The following SPTBN4 variants were observed in gnomAD, a reference collection of about 807,000 sequenced individuals.
SPTBN4 encodes the protein spectrin beta chain, non-erythrocytic 4.
SPTBN4 carries 96 observed loss-of-function variants against 277.8 expected under a neutral mutation model. That is an observed-to-expected ratio of 0.35 (90% CI 0.29 to 0.41). The LOEUF (loss-of-function observed/expected upper bound fraction) is 0.41. Ranked by LOEUF, SPTBN4 falls within the 10% of genes least tolerant of loss-of-function variation. The probability of loss-of-function intolerance (pLI) is 1.00; values close to 1 mark genes in which losing one functional copy is unlikely to be tolerated. For synonymous variants in SPTBN4, 1,481 were observed against 1,580.3 expected, an observed-to-expected ratio of 0.94 and a Z score of 1.49; for missense variants, 3,006 against 3,595.7, an observed-to-expected ratio of 0.84 and a Z score of 4.19.
chr19:40,508,855 TGGGA>T (rs1264336539), intron 13 of SPTBN4, among the ~76,000 whole-genome samples: 2 of 151,762 alleles, frequency 1.3e-5, no homozygotes, highest in African/African-American at 4.8e-5. Flanking sequence ...ATCTAGGTGG[TGGGA>T]GGAAGAGAAG....
Position 40,502,920 on chromosome 19 carries a change from G to A in SPTBN4, c.1349G>A (p.Arg450His), listed in dbSNP as rs756154554. Residue 450 changes from arginine (R) to histidine (H), a missense_variant, in exon 11 of 36, where the codon CGT becomes CAT. This residue lies in a region of SPTBN4 where 1,759 missense variants were observed against 2,061.5 expected (regional missense o/e 0.85). Coordinates refer to ENST00000598249, the MANE Select transcript of SPTBN4 (RefSeq NM_020971.3). The surrounding 1 kb of genome is among the most constrained non-coding windows in gnomAD (Gnocchi z 4.9). ...GAGAGCTGGCTGAATGAGAACCAGC[G>A]TCTGGTCTCCCAGGTACAAGGTGTA... ...MRESWLNENQ[R>H]LVSQDNFGYE... is the part of the protein sequence containing the mutation. 1.6e-5 allele frequency: 26 copies of A among 1,613,696 alleles called. No homozygotes were observed. The highest frequency in any genetic ancestry group is 2.0e-5 in the Non-Finnish European group (24 of 1,179,960).
At chr19:40,509,987 C>T (rs1032994824) in intron 13 of SPTBN4, among the ~76,000 whole-genome samples, 1 of 152,146 alleles carries the variant, frequency 6.6e-6, no homozygotes, top group African/African-American at 2.4e-5. Context: ...TTGCCCTCGC[C>T]TTGTGAATTC....
chr19:40,503,819 C>T lies in SPTBN4; in HGVS notation c.1363-11C>T, dbSNP rs755916017. 4.5e-6 allele frequency: 7 copies of T among 1,568,374 alleles called. No individual in the cohort carries two copies. In the African/African-American group the frequency reaches 8.1e-5, roughly 18 times the overall value. On this transcript the variant is annotated splice_polypyrimidine_tract_variant and intron_variant, in intron 11 of 35. Coordinates refer to ENST00000598249, the MANE Select transcript of SPTBN4 (RefSeq NM_020971.3). ...AGGCAGCATGGGTGAGTGTCTGGCTCACTGCCCCAGGACAACTTTGGGTAT... is the reference window on the plus strand; with the variant it reads ...AGGCAGCATGGGTGAGTGTCTGGCTTACTGCCCCAGGACAACTTTGGGTAT...
intron 2 of SPTBN4, among the ~76,000 whole-genome samples, chr19:40,476,821 G>A (rs931544749): frequency 1.3e-5 from 2 of 151,922 alleles, no homozygotes; most frequent in East Asian, 1.9e-4. Flanking sequence ...TCTCCTGACC[G>A]CGTGATCTGC....
intron 17 of SPTBN4, among the ~76,000 whole-genome samples, chr19:40,525,146 C>T (rs560181089): frequency 2.0e-5 from 3 of 152,118 alleles, no homozygotes; most frequent in Non-Finnish European, 2.9e-5. Flanking sequence ...ACCCCCAGCC[C>T]CAGGACCGCT....
intron 17 of SPTBN4, chr19:40,524,627 C>T (rs1411475081): frequency 4.4e-6 from 2 of 456,158 alleles, no homozygotes; most frequent in Non-Finnish European, 8.8e-6. Context: ...AGGCCAGGCA[C>T]AGGTGTGTTC....
rs572199933 is a variant in SPTBN4 at position 40,505,094 on chromosome 19, A to G, written c.1665+962A>G. ...TCTAGAGAGAGATGAGACAAGAAAG[A>G]TAGAAGCCAGCTGGGCATGGTGGCT... On this transcript the variant is annotated intron_variant, in intron 12 of 35. Transcript: ENST00000598249. 4.0e-5 allele frequency among the ~76,000 whole-genome samples: 6 copies of G among 151,628 alleles called. No individual in the cohort carries two copies. The South Asian group carries it at 1.3e-3, about 32-fold the overall frequency.
chr19:40,487,563 C>A (rs2080086616), intron 2 of SPTBN4, 134 bp from the exon 3 acceptor site: 1 of 1,153,554 alleles, frequency 8.7e-7, no homozygotes, highest in Non-Finnish European at 1.2e-6. Context: ...CCAGGCTGGT[C>A]TCGAACTCCT....
chr19:40,487,710 C>T lies in SPTBN4; in HGVS notation c.183C>T (p.Ala61=), dbSNP rs1389551958. Residue 61 remains alanine (A), a synonymous_variant, in exon 3 of 36, where the codon GCC becomes GCT. Transcript: ENST00000598249. ...CCTCTCCTCCAGATGAGCGGGAAGC[C>T]GTGCAGAAGAAAACCTTCACCAAGT... ...RIKALADERE[A]VQKKTFTKWV... 6.2e-7 allele frequency: 1 copy of T among 1,612,582 alleles called. No individual in the cohort carries two copies. Among genetic ancestry groups the T allele is most frequent in the South Asian group, 1.1e-5 (1 of 90,866 alleles).
In SPTBN4 at chr19:40,506,226, C is replaced by G; in HGVS notation, c.1666-10C>G. On this transcript the variant is annotated splice_polypyrimidine_tract_variant and intron_variant, in intron 12 of 35. Transcript: ENST00000598249. ...GCCAGAGGTGTGCTCAGTGCTGTCC[C>G]CGCTTGTAGGCTCAGCTGCTGTCCC... 1 of 1,607,102 alleles carries G rather than the reference C, an allele frequency of 6.2e-7. No homozygotes were observed. The highest frequency in any genetic ancestry group is 8.5e-7 in the Non-Finnish European group (1 of 1,176,142).
intron 7 of SPTBN4, among the ~76,000 whole-genome samples, chr19:40,500,284 C>T (rs1313311065): frequency 1.3e-5 from 2 of 152,064 alleles, no homozygotes; most frequent in Non-Finnish European, 2.9e-5. Context: ...TTACATTGTT[C>T]CCAGGAGGCA....
intron 5 of SPTBN4, among the ~76,000 whole-genome samples, chr19:40,494,290 C>T (rs2080170228): frequency 6.6e-6 from 1 of 151,700 alleles, no homozygotes; most frequent in South Asian, 2.1e-4. Context: ...TTGTACTTAT[C>T]TCTTCTCTCC....
chr19:40,568,238 G>A lies in SPTBN4; in HGVS notation c.6912G>A (p.Glu2304=), dbSNP rs544049103. The A allele has an allele frequency of 5.0e-4, 809 of 1,602,208 alleles. 4 individuals are homozygous for A. The South Asian group carries it at 8.3e-3, about 16-fold the overall frequency. Residue 2304 remains glutamate, a synonymous_variant, in exon 31 of 36, where the codon GAG becomes GAA. Transcript: ENST00000598249. ...ERRERRLERQ[E]SSEQEMPIRG... ...GTGAGCGGCGCTTGGAGCGGCAGGAGTCCAGCGAACAGGAGATGCCCATCA... is the reference window on the plus strand; with the variant it reads ...GTGAGCGGCGCTTGGAGCGGCAGGAATCCAGCGAACAGGAGATGCCCATCA...
chr19:40,551,134 G>A (rs1400339493), intron 22 of SPTBN4, among the ~76,000 whole-genome samples: 2 of 152,168 alleles, frequency 1.3e-5, no homozygotes, highest in Non-Finnish European at 2.9e-5. Context: ...TGGAGGCAAA[G>A]GGGGTTTCCC....
In SPTBN4 at chr19:40,550,300, G is replaced by A. The variant is rs762991842; in HGVS notation, c.4647G>A (p.Ala1549=). Residue 1549 remains alanine (A), a synonymous_variant, in exon 22 of 36, where the codon GCG becomes GCA. Transcript: ENST00000598249. ...CAGAGCGAGGCAACGGTTTGCAGGCGGTCCAGCAGCACATCAAAAAGAACC... is the reference window on the plus strand; with the variant it reads ...CAGAGCGAGGCAACGGTTTGCAGGCAGTCCAGCAGCACATCAAAAAGAACC... ...MQTERGNGLQ[A]VQQHIKKNQG... is the part of the protein sequence containing the mutation. The A allele has an allele frequency of 3.3e-4, 536 of 1,610,982 alleles. 3 individuals are homozygous for A. Among genetic ancestry groups the A allele is most frequent in the Admixed American group, 1.3e-4 (8 of 59,952 alleles).
intron 20 of SPTBN4, among the ~76,000 whole-genome samples, chr19:40,546,011 T>C (rs1024083519): frequency 1.6e-4 from 23 of 146,552 alleles, no homozygotes; most frequent in African/African-American, 5.8e-4. Flanking sequence ...GATAGCACCA[T>C]TGCACTCCAG....
At chr19:40,476,802 T>A (rs975586203) in intron 2 of SPTBN4, among the ~76,000 whole-genome samples, 1 of 152,074 alleles carries the variant, frequency 6.6e-6, no homozygotes, top group Admixed American at 6.6e-5. Flanking sequence ...TTAGCCAGGA[T>A]GGTTTTGATC....
intron 15 of SPTBN4, among the ~76,000 whole-genome samples, chr19:40,518,260 C>T (rs1279408410): frequency 6.6e-6 from 1 of 152,064 alleles, no homozygotes; most frequent in East Asian, 1.9e-4. Flanking sequence ...GAGCTGAGAT[C>T]GTGCCACTGC....
At chr19:40,531,261 G>A (rs1447529581) in intron 18 of SPTBN4, among the ~76,000 whole-genome samples, 1 of 151,870 alleles carries the variant, frequency 6.6e-6, no homozygotes, top group East Asian at 1.9e-4. Flanking sequence ...CCTGCACGTC[G>A]GGAACCTGTG....
Sources: gnomAD v4.1 joint callset for allele counts (sites outside exome capture counted in the v4.1 genomes callset) on GRCh38, gnomAD v4.1.1 for gene constraint, gnomAD v4.1.1 regional missense constraint, Gnocchi (gnomAD v3.1) non-coding constraint, MANE v1.5 for transcripts, NCBI Gene and HGNC (gene_info 2026-07-23, HGNC 2026-07-21) for gene names.